The following LRRC75A variants were observed in gnomAD, a reference collection of about 807,000 sequenced individuals.
LRRC75A encodes leucine rich repeat containing 75A.
LRRC75A carries 12 observed loss-of-function variants against 26.0 expected under a neutral mutation model. That is an observed-to-expected ratio of 0.46 (90% confidence interval 0.30 to 0.75). The LOEUF (loss-of-function observed/expected upper bound fraction) is 0.75, where lower values mean the gene tolerates loss of function less well. Ranked by LOEUF, LRRC75A falls within the 30% of genes least tolerant of loss-of-function variation. The pLI, the probability that LRRC75A is intolerant of heterozygous loss-of-function variation, is 0.08. For missense variants in LRRC75A, 410 were observed against 486.6 expected (o/e 0.84, Z 1.48); for synonymous variants, 223 against 219.3 (o/e 1.02, Z -0.15).
chr17:16,489,392 G>A (rs2093852930), intron 1 of LRRC75A, among the ~76,000 whole-genome samples: 1 of 152,104 alleles, frequency 6.6e-6, no homozygotes, highest in African/African-American at 2.4e-5. Flanking sequence ...GCAGACCCCT[G>A]TCTTTACTGG....
chr17:16,488,385 C>A lies in LRRC75A; in HGVS notation c.246+3360G>T, dbSNP rs137968942. On this transcript the variant is annotated intron_variant, in intron 1 of 3. Coordinates refer to ENST00000470794, the MANE Select transcript of LRRC75A (RefSeq NM_001113567.3). ...CCAGGTAGATGGAATCCAAAAAATT[C>A]TTGGGCCATGCCTGAGAAAGGATGC... Among the ~76,000 whole-genome samples, 4 of 152,350 alleles carry A rather than the reference C, an allele frequency of 2.6e-5. No homozygotes were observed. In the East Asian group the frequency reaches 7.7e-4, roughly 29 times the overall value.
At chr17:16,471,337 A>G (rs1237550928) in intron 1 of LRRC75A, among the ~76,000 whole-genome samples, 1 of 152,180 alleles carries the variant, frequency 6.6e-6, no homozygotes, top group East Asian at 1.9e-4. Context: ...AAACCATGAG[A>G]GAATATGTTT....
intron 1 of LRRC75A, among the ~76,000 whole-genome samples, chr17:16,484,149 A>G (rs1325979004): frequency 3.3e-5 from 5 of 152,136 alleles, no homozygotes; most frequent in Non-Finnish European, 5.9e-5. Context: ...CATCCTGGCC[A>G]ACATAGTGAA....
intron 1 of LRRC75A, among the ~76,000 whole-genome samples, chr17:16,474,391 GT>G (rs1260482779): frequency 1.3e-5 from 2 of 152,250 alleles, no homozygotes; most frequent in Non-Finnish European, 2.9e-5. Context: ...TTCAGCTACT[GT>G]TTTATGACTC....
chr17:16,462,344 G>A lies in LRRC75A; in HGVS notation c.289C>T (p.Arg97Cys), dbSNP rs756713681. ...ACCAGGTTCCGGAAGCTGGCGTAGC[G>A]ATACAGAACGTCGTCTAGCGAGGTC... The part of the protein sequence containing the change: ...ESTSLDDVLY[R>C]YASFRNLVDP... The change falls in exon 2 of 4, where the codon CGC becomes TGC. Residue 97 changes from arginine (R) to cysteine (C), a missense_variant. By Grantham distance (180) the Arg-to-Cys change is radical. Coordinates refer to ENST00000470794, the MANE Select transcript of LRRC75A (RefSeq NM_001113567.3). The surrounding 1 kb of genome is among the most constrained non-coding windows in gnomAD (Gnocchi z 4.6). 11 of 1,614,076 alleles carry A rather than the reference G, an allele frequency of 6.8e-6. No individual in the cohort carries two copies. The highest frequency in any genetic ancestry group is 2.2e-5 in the East Asian group (1 of 44,898).
chr17:16,464,325 C>A (rs2093751646), intron 1 of LRRC75A, among the ~76,000 whole-genome samples: 1 of 152,180 alleles, frequency 6.6e-6, no homozygotes. Context: ...TAGAGCTGCA[C>A]CCCCTTGTAG....
Position 16,491,789 on chromosome 17 carries a change from C to T in LRRC75A, c.202G>A (p.Gly68Ser), listed in dbSNP as rs1311973918. The change falls in exon 1 of 4, where the codon GGC becomes AGC. Residue 68 changes from glycine to serine, a missense_variant. Coordinates refer to ENST00000470794, the MANE Select transcript of LRRC75A (RefSeq NM_001113567.3). This position sits in a 1 kb window ranked among gnomAD's most constrained non-coding sequence, Gnocchi z 5.9. Reference protein sequence around the residue: ...VQELLRMVRQGRREEAGTLLQ... With the variant: ...VQELLRMVRQSRREEAGTLLQ... ...AGCGTCCCCGCCTCCTCCCGCCGGC[C>T]CTGGCGCACCATCCGCAGCAGCTCC... The T allele has an allele frequency of 2.8e-6, 4 of 1,434,820 alleles. No homozygotes were observed. Among genetic ancestry groups the T allele is most frequent in the Admixed American group, 5.0e-5 (2 of 39,814 alleles). The allele number at this position is 1,434,820 out of a possible 1,614,324, so 88.9% of individuals were successfully genotyped here. A position where few individuals can be genotyped will look rare whatever the true frequency, so the allele number is the denominator to read the frequency against.
At chr17:16,456,045 G>GGGAGGGAGAGGAGGAGAA (rs2143019561) in intron 2 of LRRC75A, among the ~76,000 whole-genome samples, 1 of 151,584 alleles carries the variant, frequency 6.6e-6, no homozygotes, top group East Asian at 1.9e-4. Context: ...GGGGAACGGG[G>GGGAGGGAGAGGAGGAGAA]GGAGGGAGAG....
chr17:16,458,950 A>G (rs1231303853), intron 2 of LRRC75A, among the ~76,000 whole-genome samples: 1 of 152,202 alleles, frequency 6.6e-6, no homozygotes, highest in African/African-American at 2.4e-5. Context: ...ATGGCAATGG[A>G]TAATGCAGCG....
At chr17:16,458,361 T>G (rs1372234154) in intron 2 of LRRC75A, among the ~76,000 whole-genome samples, 1 of 152,158 alleles carries the variant, frequency 6.6e-6, no homozygotes, top group Non-Finnish European at 1.5e-5. Flanking sequence ...GGCTTCTATA[T>G]TATCACCTGT....
chr17:16,454,334 G>T (rs1383035566), intron 2 of LRRC75A, among the ~76,000 whole-genome samples: 1 of 152,040 alleles, frequency 6.6e-6, no homozygotes, highest in Non-Finnish European at 1.5e-5. Context: ...GGAGGGTCCA[G>T]TGAGCCGAGA....
intron 1 of LRRC75A, among the ~76,000 whole-genome samples, chr17:16,479,748 G>C (rs1422919044): frequency 6.6e-6 from 1 of 152,212 alleles, no homozygotes; most frequent in African/African-American, 2.4e-5. Flanking sequence ...CCCTCGCTGG[G>C]AACACCTCTT....
At chr17:16,473,344 C>A (rs2143355135) in intron 1 of LRRC75A, among the ~76,000 whole-genome samples, 1 of 152,256 alleles carries the variant, frequency 6.6e-6, no homozygotes, top group African/African-American at 2.4e-5. Context: ...ACTGCTACAT[C>A]CCCTCCCCCT....
Position 16,462,250 on chromosome 17 carries a change from C to G in LRRC75A, c.375+8G>C. ...GGACCTGGCTGGCTCGGACCACAGC[C>G]ACCCTACCGGCTTGGGACAGTGGAT... On this transcript the variant is annotated splice_region_variant and intron_variant, in intron 2 of 3. Transcript: ENST00000470794. This position sits in a 1 kb window ranked among gnomAD's most constrained non-coding sequence, Gnocchi z 4.6. 6.2e-7 allele frequency: 1 copy of G among 1,613,968 alleles called. No homozygotes were observed. Among genetic ancestry groups the G allele is most frequent in the Non-Finnish European group, 8.5e-7 (1 of 1,179,932 alleles).
intron 1 of LRRC75A, among the ~76,000 whole-genome samples, chr17:16,472,328 G>A (rs60513687): frequency 0.13 from 20,056 of 151,798 alleles, 1,861 homozygotes; most frequent in African/African-American, 0.27. Context: ...ACAAAAGAAC[G>A]CAGAAAAAAA....
chr17:16,468,846 G>C (rs1214754066), intron 1 of LRRC75A, among the ~76,000 whole-genome samples: 1 of 152,162 alleles, frequency 6.6e-6, no homozygotes, highest in Non-Finnish European at 1.5e-5. Context: ...CTATGACGGT[G>C]CCACTGCACT....
chr17:16,445,646 G>T (rs920064621), intron 3 of LRRC75A, among the ~76,000 whole-genome samples: 2 of 152,198 alleles, frequency 1.3e-5, no homozygotes, highest in African/African-American at 2.4e-5. Flanking sequence ...TGTTCATTTT[G>T]ACTCTGACTG....
chr17:16,441,682 T>C lies in LRRC75A; in HGVS notation c.*1906A>G, dbSNP rs1349973220. The stretch of plus-strand genomic sequence containing the variant: ...TCAATCACCCAGGCCTAAGCAATCC[T>C]CCCACCTTGTAGCTGGGACTACAGC... On this transcript the variant is annotated 3_prime_UTR_variant, in exon 4 of 4. Coordinates refer to ENST00000470794, the MANE Select transcript of LRRC75A (RefSeq NM_001113567.3). 1 of 291,820 alleles carries C rather than the reference T, an allele frequency of 3.4e-6. No individual in the cohort carries two copies. The highest frequency in any genetic ancestry group is 6.8e-6 in the Non-Finnish European group (1 of 147,434). 18.1% of individuals were successfully genotyped at this position (291,820 alleles called of 1,614,324 possible). A position where few individuals can be genotyped will look rare whatever the true frequency, so the allele number is the denominator to read the frequency against.
intron 1 of LRRC75A, among the ~76,000 whole-genome samples, chr17:16,475,821 C>T (rs566874706): frequency 3.7e-4 from 56 of 151,792 alleles, no homozygotes; most frequent in African/African-American, 1.3e-3. Context: ...CTGAGGTGGG[C>T]GGATCACCTG....
Sources: allele counts gnomAD v4.1 joint callset (sites outside exome capture counted in the v4.1 genomes callset), GRCh38; gene constraint gnomAD v4.1.1; non-coding constraint Gnocchi (gnomAD v3.1); transcripts MANE v1.5; gene names NCBI Gene and HGNC (gene_info 2026-07-23, HGNC 2026-07-21).